The following MEIKIN variants were observed in gnomAD, a reference collection of about 807,000 sequenced individuals.
The protein encoded by MEIKIN is meiotic kinetochore factor.
chr5:131,937,186 G>A (rs920035285), intron 4 of MEIKIN, among the ~76,000 whole-genome samples: 2 of 151,992 alleles, frequency 1.3e-5, no homozygotes, highest in Admixed American at 6.6e-5. Flanking sequence ...CCTGGTTCAC[G>A]AACATCTGCT....
intron 8 of MEIKIN, 23 bp downstream of exon 8, chr5:131,911,792 T>A (rs918592809): frequency 2.3e-5 from 9 of 397,004 alleles, no homozygotes; most frequent in African/African-American, 1.9e-4. Context: ...CTACATAAAA[T>A]AATTAGTTTC....
chr5:131,884,328 A>C (rs1750741700), intron 8 of MEIKIN, among the ~76,000 whole-genome samples: 1 of 152,084 alleles, frequency 6.6e-6, no homozygotes, highest in African/African-American at 2.4e-5. Context: ...TAAAGAGGAC[A>C]TTGTCTTCCA....
chr5:131,865,750 T>G (rs1750372784), intron 9 of MEIKIN, among the ~76,000 whole-genome samples: 1 of 152,258 alleles, frequency 6.6e-6, no homozygotes. Flanking sequence ...TTGCTCTGAT[T>G]CTGGGCATAT....
chr5:131,933,583 A>G lies in MEIKIN; in HGVS notation c.408T>C (p.Ser136=), dbSNP rs1001386774. 2 of 398,856 alleles carry G rather than the reference A, an allele frequency of 5.0e-6. No individual in the cohort carries two copies. The highest frequency in any genetic ancestry group is 4.1e-5 in the African/African-American group (2 of 48,640). 24.7% of individuals were successfully genotyped at this position (398,856 alleles called of 1,614,324 possible). Residue 136 remains serine (S), a synonymous_variant, in exon 5 of 13, where the codon TCT becomes TCC. Transcript: ENST00000442687. ...SSLLSYSVTD[S]YAEYKSFEES... ...CTTCAAAACTCTTGTATTCTGCATA[A>G]GAGTCTGTGACTGAATAGCTCAGAA...
chr5:131,860,280 G>A (rs959717379), intron 9 of MEIKIN, among the ~76,000 whole-genome samples: 13 of 100,668 alleles, frequency 1.3e-4, no homozygotes, highest in Admixed American at 8.7e-4. Context: ...TTTATGCCTA[G>A]TTTTTTTTTT....
In MEIKIN at chr5:131,916,927, T is replaced by C. The variant is rs531937389; in HGVS notation, c.599-2A>G. 1 of 397,446 alleles carries C rather than the reference T, an allele frequency of 2.5e-6. No individual in the cohort carries two copies. The highest frequency in any genetic ancestry group is 3.6e-5 in the East Asian group (1 of 27,860). The allele number at this position is 397,446 out of a possible 1,614,324, so 24.6% of individuals were successfully genotyped here. On this transcript the variant is annotated splice_acceptor_variant, in intron 6 of 12. Coordinates refer to ENST00000442687, the MANE Select transcript of MEIKIN (RefSeq NM_001303622.2). LOFTEE classifies it high-confidence loss of function. ...TCTGATAGTCTTCTGAAGAGGTACC[T>C]AGGAGAGAAAATAAAAACAATCTAT...
At chr5:131,916,777 A>C (rs1751421328) in intron 7 of MEIKIN, 109 bp downstream of exon 7, 1 of 386,426 alleles carries the variant, frequency 2.6e-6, no homozygotes, top group Admixed American at 4.5e-5. Context: ...AGTCCTCAAC[A>C]AATAATAAAT....
intron 4 of MEIKIN, 41 bp from the exon 5 acceptor site, chr5:131,933,682 A>C (rs1751725367): frequency 2.5e-6 from 1 of 397,240 alleles, no homozygotes; most frequent in Non-Finnish European, 4.4e-6. Flanking sequence ...ATCTTTTGAT[A>C]CAAAACAATG....
intron 10 of MEIKIN, among the ~76,000 whole-genome samples, chr5:131,854,550 T>C (rs1261952395): frequency 6.6e-6 from 1 of 152,190 alleles, no homozygotes; most frequent in African/African-American, 2.4e-5. Flanking sequence ...GAATCCTGGT[T>C]GTTGCTGCAG....
intron 7 of MEIKIN, among the ~76,000 whole-genome samples, chr5:131,914,383 C>CAAA (rs373552501): frequency 1.1e-5 from 1 of 92,582 alleles, no homozygotes; most frequent in Non-Finnish European, 2.4e-5. Flanking sequence ...GACTCTGTCT[C>CAAA]AAAAAAAAAA....
At chr5:131,919,215 A>G (rs781076269) in intron 6 of MEIKIN, among the ~76,000 whole-genome samples, 2 of 152,220 alleles carry the variant, frequency 1.3e-5, no homozygotes, top group Non-Finnish European at 2.9e-5. Flanking sequence ...TTAAAAAAAA[A>G]TATGACAACA....
chr5:131,839,455 T>TG (rs1266763353), intron 11 of MEIKIN, among the ~76,000 whole-genome samples: 3 of 152,208 alleles, frequency 2.0e-5, no homozygotes, highest in Non-Finnish European at 4.4e-5. Flanking sequence ...AGTGGGGTGT[T>TG]GAAGTCTCTG....
intron 9 of MEIKIN, among the ~76,000 whole-genome samples, chr5:131,870,741 T>C (rs564110549): frequency 6.6e-6 from 1 of 152,278 alleles, no homozygotes; most frequent in Non-Finnish European, 1.5e-5. Flanking sequence ...CAAAATTATC[T>C]TGAATACATG....
chr5:131,825,876 A>G (rs1043722233), intron 11 of MEIKIN, among the ~76,000 whole-genome samples: 1 of 152,198 alleles, frequency 6.6e-6, no homozygotes, highest in African/African-American at 2.4e-5. Flanking sequence ...TATTAGGACA[A>G]CTGTAACTGC....
chr5:131,809,199 TG>T (rs1476269970), intron 12 of MEIKIN, among the ~76,000 whole-genome samples: 14 of 152,350 alleles, frequency 9.2e-5, no homozygotes, highest in Admixed American at 7.8e-4. Context: ...TTCTAGCATA[TG>T]ATATCCAGAC....
chr5:131,898,376 G>A (rs751371800), intron 8 of MEIKIN, among the ~76,000 whole-genome samples: 50 of 152,322 alleles, frequency 3.3e-4, no homozygotes, highest in African/African-American at 8.4e-4. Flanking sequence ...GGCTACACGG[G>A]GGTCAGGGAC....
intron 3 of MEIKIN, among the ~76,000 whole-genome samples, chr5:131,943,727 C>T (rs490054): frequency 6.6e-6 from 1 of 151,866 alleles, no homozygotes; most frequent in Non-Finnish European, 1.5e-5. Context: ...GACTACTTTA[C>T]ACTGTTAAAC....
intron 5 of MEIKIN, among the ~76,000 whole-genome samples, chr5:131,929,902 T>C (rs2149651173): frequency 6.6e-6 from 1 of 152,348 alleles, no homozygotes; most frequent in South Asian, 2.1e-4. Context: ...ATGGTGTACG[T>C]GTACTACACT....
chr5:131,844,883 C>G (rs1353325300), intron 11 of MEIKIN, among the ~76,000 whole-genome samples: 1 of 152,068 alleles, frequency 6.6e-6, no homozygotes, highest in Non-Finnish European at 1.5e-5. Context: ...ATGCAAACCT[C>G]AGAAAAGACC....
Sources: allele counts gnomAD v4.1 joint callset (sites outside exome capture counted in the v4.1 genomes callset), GRCh38; gene constraint gnomAD v4.1.1; transcripts MANE v1.5; gene names NCBI Gene and HGNC (gene_info 2026-07-23, HGNC 2026-07-21).